The following AIG1 variants were observed in gnomAD, a reference collection of about 807,000 sequenced individuals.
AIG1 encodes androgen induced 1.
Under a neutral mutation model 31.4 loss-of-function variants are expected in AIG1, and 23 were observed. The observed-to-expected ratio is 0.73, with a 90% CI of 0.53 to 1.04. AIG1 has a LOEUF of 1.04. AIG1 is among the 50% of genes least tolerant of loss of function. The pLI is 0.00. For synonymous variants in AIG1, 100 were observed against 110.5 expected, an observed-to-expected ratio of 0.90 and a Z score of 0.60; for missense variants, 274 against 295.0, an observed-to-expected ratio of 0.93 and a Z score of 0.52.
intron 3 of AIG1, among the ~76,000 whole-genome samples, chr6:143,174,860 C>T (rs1787986012): frequency 1.3e-5 from 2 of 151,978 alleles, no homozygotes; most frequent in African/African-American, 4.8e-5. Flanking sequence ...CTATTTGTTG[C>T]CTGAATACCT....
At chr6:143,342,528 A>T (rs1318334896), downstream of AIG1, 1 of 817,428 alleles carries the variant, frequency 1.2e-6, no homozygotes, top group East Asian at 2.4e-5. Flanking sequence ...TCCCTATCCT[A>T]TAAGGACTCT....
intron 2 of AIG1, among the ~76,000 whole-genome samples, chr6:143,147,643 G>A (rs1583322432): frequency 1.3e-5 from 2 of 152,156 alleles, no homozygotes; most frequent in South Asian, 2.1e-4. Flanking sequence ...ATAAAGCAAC[G>A]TTTTGGTCTG....
intron 3 of AIG1, among the ~76,000 whole-genome samples, chr6:143,209,515 TA>T (rs1193769328): frequency 1.3e-5 from 2 of 151,856 alleles, no homozygotes; most frequent in South Asian, 2.1e-4. Context: ...TAATATGATG[TA>T]AAAAAAACTT....
In AIG1 at chr6:143,296,838, CTG is replaced by C. The variant is rs374717189; in HGVS notation, c.515+12614_515+12615del. Among the ~76,000 whole-genome samples, 35 of 152,296 alleles carry C rather than the reference CTG, an allele frequency of 2.3e-4. No homozygotes were observed. In the South Asian group the frequency reaches 7.3e-3, roughly 32 times the overall value. On this transcript the variant is annotated intron_variant, in intron 4 of 5. Transcript: ENST00000357847. ...ATAATTTTCAAAGTAAGAGAAGCAA[CTG>C]GCTTATTGTTATTGTAATATTTTAA...
intron 3 of AIG1, among the ~76,000 whole-genome samples, chr6:143,197,727 T>C (rs1005408340): frequency 5.9e-5 from 9 of 152,186 alleles, no homozygotes; most frequent in African/African-American, 1.7e-4. Context: ...CCTTGAATAA[T>C]TGGGTAGAAC....
rs1020188593 is a variant in AIG1 at position 143,334,479 on chromosome 6, A to G, written c.679+1034A>G. Among the ~76,000 whole-genome samples the G allele has an allele frequency of 1.3e-5, 2 of 152,224 alleles. No individual in the cohort carries two copies. The highest frequency in any genetic ancestry group is 4.8e-5 in the African/African-American group (2 of 41,456). ...ATTGTATGTGTCAGGGTATTAGCCA[A>G]TGTTAAATGGCGCAGAGGAATTTGA... On this transcript the variant is annotated intron_variant, in intron 5 of 5. Transcript: ENST00000357847. The surrounding 1 kb of genome is among the most constrained non-coding windows in gnomAD (Gnocchi z 5.1).
chr6:143,135,818 G>A (rs1421531461), intron 1 of AIG1, among the ~76,000 whole-genome samples: 1 of 152,186 alleles, frequency 6.6e-6, no homozygotes, highest in East Asian at 1.9e-4. Flanking sequence ...CTTTTCTAAA[G>A]AGGCAATGAG....
intron 1 of AIG1, among the ~76,000 whole-genome samples, chr6:143,070,126 T>C (rs1777117380): frequency 6.6e-6 from 1 of 152,246 alleles, no homozygotes; most frequent in South Asian, 2.1e-4. Flanking sequence ...AACTTTGTTC[T>C]TTTTCAAAAT....
intron 1 of AIG1, among the ~76,000 whole-genome samples, chr6:143,090,279 A>G (rs1462403713): frequency 6.8e-6 from 1 of 147,940 alleles, no homozygotes; most frequent in Non-Finnish European, 1.5e-5. Flanking sequence ...TCTATCATCT[A>G]TCTATCTATC....
intron 2 of AIG1, among the ~76,000 whole-genome samples, chr6:143,155,094 A>G (rs1375744829): frequency 2.6e-5 from 4 of 151,634 alleles, no homozygotes; most frequent in Non-Finnish European, 5.9e-5. Flanking sequence ...TCTGGCCTCA[A>G]ATGATCCACC....
Position 143,256,290 on chromosome 6 carries a change from AT to A in AIG1, c.400-27817del, listed in dbSNP as rs1418100297. On this transcript the variant is annotated intron_variant, in intron 3 of 5. Transcript: ENST00000357847. This position sits in a 1 kb window ranked among gnomAD's most constrained non-coding sequence, Gnocchi z 4.6. Reference sequence around the variant, plus strand: ...TGATTAAAATCTAAGGAAAATTAGGATTTCTTAAGTGGAAAAAGAAAATCAA... The same window carrying A: ...TGATTAAAATCTAAGGAAAATTAGGATTCTTAAGTGGAAAAAGAAAATCAA... Among the ~76,000 whole-genome samples, 1 of 152,340 alleles carries A rather than the reference AT, an allele frequency of 6.6e-6. No homozygotes were observed. Among genetic ancestry groups the A allele is most frequent in the East Asian group, 1.9e-4 (1 of 5,192 alleles).
At chr6:143,255,145 G>A (rs554216929) in intron 3 of AIG1, among the ~76,000 whole-genome samples, 3 of 152,222 alleles carry the variant, frequency 2.0e-5, no homozygotes, top group African/African-American at 7.2e-5. Flanking sequence ...ACTTTGCTTC[G>A]TAATACACAA....
intron 3 of AIG1, chr6:143,187,627 A>G: frequency 6.5e-7 from 1 of 1,536,150 alleles, no homozygotes; most frequent in Non-Finnish European, 8.7e-7. Flanking sequence ...TTCTTTCTGC[A>G]GCATTTCAAA....
At chr6:143,113,783 T>C (rs1781496114) in intron 1 of AIG1, among the ~76,000 whole-genome samples, 1 of 149,038 alleles carries the variant, frequency 6.7e-6, no homozygotes, top group Non-Finnish European at 1.5e-5. Flanking sequence ...AAATGTTTTC[T>C]TTTTTTTTTG....
intron 1 of AIG1, among the ~76,000 whole-genome samples, chr6:143,101,635 T>C (rs781717693): frequency 6.6e-6 from 1 of 152,066 alleles, no homozygotes; most frequent in Non-Finnish European, 1.5e-5. Context: ...CCTATTGTGT[T>C]GGACTTTGGA....
intron 3 of AIG1, among the ~76,000 whole-genome samples, chr6:143,207,716 T>C (rs1378215839): frequency 6.6e-6 from 1 of 152,082 alleles, no homozygotes; most frequent in African/African-American, 2.4e-5. Context: ...ATCCAAATGG[T>C]AGTAGAATAT....
At chr6:143,189,257 C>T (rs1475575791) in intron 3 of AIG1, 1 of 473,566 alleles carries the variant, frequency 2.1e-6, no homozygotes, top group African/African-American at 2.1e-5. Context: ...CTATGTTTCC[C>T]AAGCTAGAGA....
chr6:143,138,554 T>C (rs962022420), intron 2 of AIG1, among the ~76,000 whole-genome samples: 1 of 152,192 alleles, frequency 6.6e-6, no homozygotes, highest in Non-Finnish European at 1.5e-5. Context: ...GCCATGTCAT[T>C]GCCTGTGGAA....
chr6:143,274,366 G>A (rs182642972), intron 3 of AIG1, among the ~76,000 whole-genome samples: 1 of 152,318 alleles, frequency 6.6e-6, no homozygotes, highest in African/African-American at 2.4e-5. Context: ...AAATGGAATT[G>A]ATGATGATAA....
Sources: gnomAD v4.1 joint callset for allele counts (sites outside exome capture counted in the v4.1 genomes callset) on GRCh38, gnomAD v4.1.1 for gene constraint, Gnocchi (gnomAD v3.1) non-coding constraint, MANE v1.5 for transcripts, NCBI Gene and HGNC (gene_info 2026-07-23, HGNC 2026-07-21) for gene names.